The following FRMPD1 variants were observed in gnomAD, a reference collection of about 807,000 sequenced individuals.
FRMPD1 encodes the protein FERM and PDZ domain-containing protein 1.
FRMPD1 carries 76 observed loss-of-function variants against 117.8 expected under a neutral mutation model. That is an observed-to-expected ratio of 0.65 (90% CI 0.54 to 0.78). The LOEUF is 0.78. Ranked by LOEUF, FRMPD1 falls within the 30% of genes least tolerant of loss-of-function variation. The pLI, the probability that FRMPD1 is intolerant of heterozygous loss-of-function variation, is 0.00. For synonymous variants in FRMPD1, 783 were observed against 770.4 expected (o/e 1.02, Z -0.27); for missense variants, 1,786 against 1,964.5 (o/e 0.91, Z 1.72).
chr9:37,729,438 A>G (rs992382711), intron 7 of FRMPD1, among the ~76,000 whole-genome samples: 13 of 151,246 alleles, frequency 8.6e-5, no homozygotes, highest in Non-Finnish European at 1.5e-4. Flanking sequence ...TAGAGAGAGA[A>G]TAAGTCTAGG....
intron 1 of FRMPD1, among the ~76,000 whole-genome samples, chr9:37,655,941 G>A (rs1397036165): frequency 1.3e-5 from 2 of 152,148 alleles, no homozygotes; most frequent in Non-Finnish European, 2.9e-5. Context: ...CCCTTAGGAA[G>A]CTGTCTTCCA....
the FRMPD1 span, among the ~76,000 whole-genome samples, chr9:37,629,060 G>A: frequency 8.5e-5 from 13 of 152,274 alleles, no homozygotes; most frequent in East Asian, 7.7e-4. Flanking sequence ...TTAGCTAGAC[G>A]TGGTGGCACA....
At chr9:37,636,415 T>G in the FRMPD1 span, among the ~76,000 whole-genome samples, 1 of 152,024 alleles carries the variant, frequency 6.6e-6, no homozygotes, top group African/African-American at 2.4e-5. Context: ...GAAAGGTGTG[T>G]AGGGGGGGCA....
chr9:37,712,553 G>A (rs1206256447), intron 5 of FRMPD1, among the ~76,000 whole-genome samples: 1 of 152,034 alleles, frequency 6.6e-6, no homozygotes, highest in Non-Finnish European at 1.5e-5. Context: ...ACAGGGTTTC[G>A]CCACATTGGC....
chr9:37,720,382 C>T (rs1381019129), intron 6 of FRMPD1, among the ~76,000 whole-genome samples: 4 of 151,968 alleles, frequency 2.6e-5, no homozygotes, highest in East Asian at 3.9e-4. Context: ...AGATCAAGAC[C>T]GGCCGGGGGC....
chr9:37,639,438 A>C, the FRMPD1 span, among the ~76,000 whole-genome samples: 1 of 152,256 alleles, frequency 6.6e-6, no homozygotes, highest in East Asian at 1.9e-4. Flanking sequence ...TCTGCAGGAC[A>C]CCTCAACCCA....
At chr9:37,617,113 G>A in the FRMPD1 span, among the ~76,000 whole-genome samples, 9 of 152,202 alleles carry the variant, frequency 5.9e-5, no homozygotes, top group Admixed American at 3.9e-4. Context: ...TCTATCCTAC[G>A]CCCAAGAAAC....
At chr9:37,738,538 C>G (rs1203650224) in intron 14 of FRMPD1, among the ~76,000 whole-genome samples, 1 of 152,104 alleles carries the variant, frequency 6.6e-6, no homozygotes, top group Non-Finnish European at 1.5e-5. Flanking sequence ...GGGGTTTCGC[C>G]ATGTTGGTCA....
Position 37,746,763 on chromosome 9 carries a change from C to T in FRMPD1, c.4731C>T (p.Ala1577=), listed in dbSNP as rs1168774858. Residue 1577 remains alanine (A), a synonymous_variant, in exon 16 of 16, where the codon GCC becomes GCT. Coordinates refer to ENST00000377765, the MANE Select transcript of FRMPD1 (RefSeq NM_014907.3). Reference sequence around the variant, plus strand: ...CCCAGAAGTTCCGGGCATCCACGGCCCTGTAAACAGGTCAACGGCCCAAGG... The same window carrying T: ...CCCAGAAGTTCCGGGCATCCACGGCTCTGTAAACAGGTCAACGGCCCAAGG... ...CLTQKFRAST[A]L 1.9e-6 allele frequency: 3 copies of T among 1,613,302 alleles called. No individual in the cohort carries two copies. Among genetic ancestry groups the T allele is most frequent in the South Asian group, 1.1e-5 (1 of 91,076 alleles).
At chr9:37,732,598 T>C (rs1416556500) in intron 10 of FRMPD1, among the ~76,000 whole-genome samples, 158 bp downstream of exon 10, 1 of 152,108 alleles carries the variant, frequency 6.6e-6, no homozygotes, top group Non-Finnish European at 1.5e-5. Flanking sequence ...CTGACCTGGC[T>C]CCCCCAGATG....
At chr9:37,615,610 A>G in the FRMPD1 span, among the ~76,000 whole-genome samples, 1 of 152,066 alleles carries the variant, frequency 6.6e-6, no homozygotes, top group African/African-American at 2.4e-5. Context: ...CTCATTTCTA[A>G]TTCTTTCAGG....
At chr9:37,713,880 G>A (rs577448895) in intron 5 of FRMPD1, among the ~76,000 whole-genome samples, 15 of 152,296 alleles carry the variant, frequency 9.8e-5, no homozygotes, top group East Asian at 9.6e-4. Flanking sequence ...CATTTAGGGC[G>A]TGGAAGGAAG....
intron 13 of FRMPD1, among the ~76,000 whole-genome samples, 194 bp downstream of exon 13, chr9:37,735,928 G>T (rs1824101610): frequency 2.0e-5 from 3 of 151,952 alleles, no homozygotes; most frequent in South Asian, 4.2e-4. Flanking sequence ...GTCCTAAAAG[G>T]TTTTTTTGCA....
the FRMPD1 span, among the ~76,000 whole-genome samples, chr9:37,631,325 G>A: frequency 6.6e-6 from 1 of 152,246 alleles, no homozygotes; most frequent in Non-Finnish European, 1.5e-5. Flanking sequence ...GAAACCAGCA[G>A]GATAGGCTGT....
At chr9:37,690,091 CT>C (rs1407922366) in intron 1 of FRMPD1, among the ~76,000 whole-genome samples, 3 of 151,842 alleles carry the variant, frequency 2.0e-5, no homozygotes, top group African/African-American at 7.3e-5. Flanking sequence ...GTTTCCTTAC[CT>C]CCATTTCCTT....
At chr9:37,609,946 C>A in the FRMPD1 span, among the ~76,000 whole-genome samples, 1 of 152,198 alleles carries the variant, frequency 6.6e-6, no homozygotes, top group Non-Finnish European at 1.5e-5. Context: ...GGCTTTGGAG[C>A]TGCCTCTCTT....
upstream of FRMPD1, among the ~76,000 whole-genome samples, chr9:37,650,605 T>A (rs1223938966): frequency 6.6e-6 from 1 of 152,308 alleles, no homozygotes; most frequent in East Asian, 1.9e-4. Flanking sequence ...TGGGAACTCT[T>A]CTGGGTTCCA....
At chr9:37,722,193 C>T (rs1823426793) in intron 6 of FRMPD1, among the ~76,000 whole-genome samples, 1 of 151,960 alleles carries the variant, frequency 6.6e-6, no homozygotes, top group Non-Finnish European at 1.5e-5. Context: ...CCTTTTTCCT[C>T]CATAAAAATA....
At chr9:37,666,483 C>T (rs1166089163) in intron 1 of FRMPD1, among the ~76,000 whole-genome samples, 1 of 152,094 alleles carries the variant, frequency 6.6e-6, no homozygotes, top group Non-Finnish European at 1.5e-5. Flanking sequence ...TCAGGGTAGC[C>T]CAGTGCCATC....
Sources: gnomAD v4.1 joint callset for allele counts (sites outside exome capture counted in the v4.1 genomes callset) on GRCh38, gnomAD v4.1.1 for gene constraint, MANE v1.5 for transcripts, NCBI Gene and HGNC (gene_info 2026-07-23, HGNC 2026-07-21) for gene names.